The following CBL variants were observed in gnomAD, a reference collection of about 807,000 sequenced individuals.
CBL encodes the protein Cbl proto-oncogene.
Under a neutral mutation model 96.9 loss-of-function variants are expected in CBL, and 45 were observed. The ratio of observed to expected loss-of-function variants is 0.46; its 90% CI spans 0.37 to 0.60. The LOEUF is 0.60. Ranked by LOEUF, CBL falls within the 20% of genes least tolerant of loss-of-function variation. The pLI is 0.00. For missense variants in CBL, 1,024 were observed against 1,143.5 expected, an observed-to-expected ratio of 0.90 and a Z score of 1.51; for synonymous variants, 420 against 426.8, an observed-to-expected ratio of 0.98 and a Z score of 0.20.
Position 119,296,936 on chromosome 11 carries a change from A to G in CBL, c.2055A>G (p.Lys685=), listed in dbSNP as rs1454595224. Residue 685 remains lysine, a synonymous_variant, in exon 13 of 16, where the codon AAA becomes AAG. Coordinates refer to ENST00000264033, the MANE Select transcript of CBL (RefSeq NM_005188.4). The stretch of plus-strand genomic sequence containing the variant: ...CTTCCAGACCTCTTCCTGTGCCAAA[A>G]CTGCCACCTGGGGAGCAATGTGAGG... ...SLAARPLPVP[K]LPPGEQCEGE... The G allele has an allele frequency of 5.0e-6, 8 of 1,604,068 alleles. No homozygotes were observed. Among genetic ancestry groups the G allele is most frequent in the African/African-American group, 1.3e-5 (1 of 74,678 alleles).
At chr11:119,292,994 T>TATTA (rs1950039327) in intron 12 of CBL, among the ~76,000 whole-genome samples, 1 of 152,264 alleles carries the variant, frequency 6.6e-6, no homozygotes, top group South Asian at 2.1e-4. Context: ...ATTTGATGTT[T>TATTA]ATTACTTTTG....
chr11:119,297,269 A>G, intron 13 of CBL, 115 bp from the exon 14 acceptor site: 1 of 883,634 alleles, frequency 1.1e-6, no homozygotes, highest in African/African-American at 1.6e-5. Flanking sequence ...TTGCCACAAG[A>G]GTCAACTTTA....
chr11:119,307,556 G>T lies in CBL; in HGVS notation c.*7775G>T. ...CCCAGGGAAGGGCAGCAAGGAACAT[G>T]GGACCAGAAGCCTGTCCTCAGTAAT... On this transcript the variant is annotated 3_prime_UTR_variant, in exon 16 of 16. Coordinates refer to ENST00000264033, the MANE Select transcript of CBL (RefSeq NM_005188.4). The T allele has an allele frequency of 4.3e-6, 1 of 232,424 alleles. No individual in the cohort carries two copies. Among genetic ancestry groups the T allele is most frequent in the Non-Finnish European group, 8.5e-6 (1 of 117,236 alleles). The allele number at this position is 232,424 out of a possible 1,614,324, so 14.4% of individuals were successfully genotyped here.
chr11:119,244,576 G>T (rs890126098), intron 2 of CBL, among the ~76,000 whole-genome samples: 1 of 97,000 alleles, frequency 1.0e-5, no homozygotes, highest in Non-Finnish European at 2.0e-5. Context: ...TACCATGCCC[G>T]GCTAATTTTT....
intron 2 of CBL, among the ~76,000 whole-genome samples, chr11:119,269,615 C>T (rs1949828142): frequency 6.6e-6 from 1 of 152,082 alleles, no homozygotes; most frequent in South Asian, 2.1e-4. Flanking sequence ...TGGTGACCTT[C>T]CAGTATAGCA....
At chr11:119,233,276 A>G (rs1327889139) in intron 2 of CBL, among the ~76,000 whole-genome samples, 1 of 152,150 alleles carries the variant, frequency 6.6e-6, no homozygotes, top group Admixed American at 6.5e-5. Context: ...TTTGAGACAG[A>G]GTCTGGCTCT....
chr11:119,224,423 C>T (rs996127682), intron 1 of CBL, among the ~76,000 whole-genome samples: 1 of 152,096 alleles, frequency 6.6e-6, no homozygotes, highest in African/African-American at 2.4e-5. Flanking sequence ...TTGAAAGTCA[C>T]ACATAACTTT....
chr11:119,289,699 G>C (rs1037727347), intron 12 of CBL: 25 of 152,218 alleles, frequency 1.6e-4, no homozygotes, highest in African/African-American at 6.0e-4. Context: ...TTCTTTAATA[G>C]TTATCAAGAG....
chr11:119,291,688 A>C (rs1950027742), intron 12 of CBL, among the ~76,000 whole-genome samples: 1 of 152,238 alleles, frequency 6.6e-6, no homozygotes, highest in Non-Finnish European at 1.5e-5. Context: ...AGCGTGGGCA[A>C]CACAGTGAGA....
Position 119,236,990 on chromosome 11 carries a change from C to T in CBL, c.443+4295C>T, listed in dbSNP as rs554031441. On this transcript the variant is annotated intron_variant, in intron 2 of 15. Coordinates refer to ENST00000264033, the MANE Select transcript of CBL (RefSeq NM_005188.4). ...TAATTCATAAATTTTGAATTGCATGCCCTTCAGAGTAGTGTGATGTAATTT... is the reference window on the plus strand; with the variant it reads ...TAATTCATAAATTTTGAATTGCATGTCCTTCAGAGTAGTGTGATGTAATTT... Among the ~76,000 whole-genome samples the T allele has an allele frequency of 2.6e-5, 4 of 152,216 alleles. No individual in the cohort carries two copies. In the South Asian group the frequency reaches 8.3e-4, roughly 32 times the overall value.
intron 1 of CBL, among the ~76,000 whole-genome samples, chr11:119,216,760 A>G (rs374167932): frequency 5.8e-4 from 88 of 152,236 alleles, no homozygotes; most frequent in African/African-American, 2.0e-3. Flanking sequence ...TACAGAACGA[A>G]ATGTAGAAGT....
intron 9 of CBL, among the ~76,000 whole-genome samples, chr11:119,282,253 G>A (rs1830632456): frequency 6.6e-6 from 1 of 151,806 alleles, no homozygotes; most frequent in South Asian, 2.1e-4. Flanking sequence ...CCAGAGAATG[G>A]CTTGAACCTG....
intron 2 of CBL, among the ~76,000 whole-genome samples, chr11:119,270,447 T>C (rs398044950): frequency 2.5e-5 from 2 of 78,536 alleles, no homozygotes; most frequent in South Asian, 5.8e-4. Flanking sequence ...TTTTTTTTTT[T>C]TTTTTTTTTT....
chr11:119,298,294 G>A (rs766046215), intron 14 of CBL, 64 bp from the exon 15 acceptor site: 398 of 1,385,798 alleles, frequency 2.9e-4, no homozygotes, highest in Non-Finnish European at 3.8e-4. Context: ...TGGCTGCCCC[G>A]TATTGAAATG....
intron 1 of CBL, among the ~76,000 whole-genome samples, chr11:119,227,020 A>G (rs1592374942): frequency 6.6e-6 from 1 of 152,288 alleles, no homozygotes; most frequent in East Asian, 1.9e-4. Flanking sequence ...ATTGAAGTAC[A>G]ATGGTTTGAT....
At position 119,302,045 on chromosome 11, in the gene CBL, G is replaced by GA. The variant is rs1386042782; in HGVS notation, c.*2265dup. On this transcript the variant is annotated 3_prime_UTR_variant, in exon 16 of 16. Transcript: ENST00000264033. Reference sequence around the variant, plus strand: ...TCCATGCATCTAAATCTTCTCTGGAGATTATCTCCCTACTGTGTAGGTTAA... The same window carrying GA: ...TCCATGCATCTAAATCTTCTCTGGAGAATTATCTCCCTACTGTGTAGGTTAA... 1 of 232,956 alleles carries GA rather than the reference G, an allele frequency of 4.3e-6. No individual in the cohort carries two copies. Among genetic ancestry groups the GA allele is most frequent in the African/African-American group, 2.2e-5 (1 of 45,322 alleles). 14.4% of individuals were successfully genotyped at this position (232,956 alleles called of 1,614,324 possible).
intron 9 of CBL, among the ~76,000 whole-genome samples, chr11:119,284,055 T>C (rs1011019956): frequency 6.6e-6 from 1 of 152,152 alleles, no homozygotes; most frequent in East Asian, 1.9e-4. Flanking sequence ...TAAAATTTTT[T>C]AGAGGGATCT....
At chr11:119,258,343 T>C (rs1470812142) in intron 2 of CBL, among the ~76,000 whole-genome samples, 1 of 152,192 alleles carries the variant, frequency 6.6e-6, no homozygotes, top group Non-Finnish European at 1.5e-5. Flanking sequence ...CTTCTGCTTC[T>C]GGGGACGCCT....
At chr11:119,242,537 C>CAA (rs71048052) in intron 2 of CBL, among the ~76,000 whole-genome samples, 26,263 of 76,070 alleles carry the variant, frequency 0.35, 4,850 homozygotes, top group Non-Finnish European at 0.39. Context: ...GACTCCATCT[C>CAA]AAAAAAAAAA....
Sources: allele counts gnomAD v4.1 joint callset (sites outside exome capture counted in the v4.1 genomes callset), GRCh38; gene constraint gnomAD v4.1.1; transcripts MANE v1.5; gene names NCBI Gene and HGNC (gene_info 2026-07-23, HGNC 2026-07-21).